The following RTN1 variants were observed in gnomAD, a reference collection of about 807,000 sequenced individuals.
RTN1 encodes reticulon-1.
A neutral mutation model predicts 65.5 loss-of-function variants in RTN1; 25 were observed. The ratio of observed to expected loss-of-function variants is 0.38; its 90% CI spans 0.28 to 0.53. The LOEUF is 0.53. RTN1 is among the 20% of genes least tolerant of loss of function. The probability of loss-of-function intolerance (pLI) is 0.79; values close to 1 mark genes in which losing one functional copy is unlikely to be tolerated. For synonymous variants in RTN1, 471 were observed against 447.6 expected (o/e 1.05, Z -0.66); for missense variants, 983 against 1,025.4 (o/e 0.96, Z 0.57).
At chr14:59,608,861 T>A (rs1312830547) in intron 3 of RTN1, among the ~76,000 whole-genome samples, 1 of 152,148 alleles carries the variant, frequency 6.6e-6, no homozygotes, top group Non-Finnish European at 1.5e-5. Context: ...CTTTTTTTTC[T>A]CTTTTGAGTA....
At chr14:59,865,834 CAACT>C (rs768531217) in intron 1 of RTN1, among the ~76,000 whole-genome samples, 10 of 152,162 alleles carry the variant, frequency 6.6e-5, no homozygotes, top group Admixed American at 6.5e-5. Flanking sequence ...AATAAAATCA[CAACT>C]AACTAATCCA....
rs141503924 is a variant in RTN1 at position 59,727,639 on chromosome 14, C to A, written c.1045G>T (p.Gly349Cys). The change falls in exon 3 of 9, where the codon GGC becomes TGC. Residue 349 changes from glycine (G) to cysteine (C), a missense_variant. Physicochemically the swap from Gly to Cys is radical, Grantham distance 159. Coordinates refer to ENST00000267484, the MANE Select transcript of RTN1 (RefSeq NM_021136.3). This position sits in a 1 kb window ranked among gnomAD's most constrained non-coding sequence, Gnocchi z 4.2. ...EPSAAESQGK[G>C]SISEDELITA... is the part of the protein sequence containing the mutation. ...ATCAGCTCATCCTCGGAGATGCTGC[C>A]TTTCCCCTGGGATTCTGCAGCAGAT... The A allele has an allele frequency of 2.9e-4, 465 of 1,608,454 alleles. No homozygotes were observed. The highest frequency in any genetic ancestry group is 3.7e-4 in the Non-Finnish European group (435 of 1,177,356).
intron 1 of RTN1, among the ~76,000 whole-genome samples, chr14:59,789,747 A>T (rs1387901057): frequency 6.6e-6 from 1 of 152,114 alleles, no homozygotes; most frequent in Non-Finnish European, 1.5e-5. Context: ...GACATCTAGG[A>T]TGTCCACTGC....
chr14:59,720,914 TGAAA>T (rs1884634146), intron 3 of RTN1, among the ~76,000 whole-genome samples: 1 of 151,870 alleles, frequency 6.6e-6, no homozygotes, highest in African/African-American at 2.4e-5. Flanking sequence ...ACCTGTATTG[TGAAA>T]GAAAGAGACT....
chr14:59,736,301 G>C (rs1885000692), intron 2 of RTN1, among the ~76,000 whole-genome samples: 1 of 151,834 alleles, frequency 6.6e-6, no homozygotes, highest in Non-Finnish European at 1.5e-5. Context: ...CAGAAGAAAA[G>C]AGAAGAATCA....
chr14:59,824,086 T>C (rs1886989839), intron 1 of RTN1, among the ~76,000 whole-genome samples: 1 of 152,240 alleles, frequency 6.6e-6, no homozygotes, highest in Non-Finnish European at 1.5e-5. Context: ...TGCAGTGTTA[T>C]TTAAGAATCA....
intron 3 of RTN1, among the ~76,000 whole-genome samples, chr14:59,686,117 C>T (rs1336426666): frequency 6.6e-6 from 1 of 152,126 alleles, no homozygotes; most frequent in African/African-American, 2.4e-5. Context: ...TGGATTTCCA[C>T]AGGCAGAAAA....
chr14:59,598,599 GT>G (rs960119395), intron 8 of RTN1, among the ~76,000 whole-genome samples: 3 of 152,136 alleles, frequency 2.0e-5, no homozygotes, highest in Non-Finnish European at 4.4e-5. Flanking sequence ...ATGTGCAATG[GT>G]GACCATCTAA....
intron 1 of RTN1, among the ~76,000 whole-genome samples, chr14:59,764,282 T>G (rs573153790): frequency 1.3e-5 from 2 of 151,482 alleles, no homozygotes; most frequent in South Asian, 4.2e-4. Context: ...ATGATAGCAT[T>G]CAGGTTTGGG....
At position 59,854,027 on chromosome 14, in the gene RTN1, GCTAA is replaced by G. The variant is rs1428798982; in HGVS notation, c.241+16359_241+16362del. 3.3e-5 allele frequency among the ~76,000 whole-genome samples: 5 copies of G among 151,806 alleles called. No homozygotes were observed. In the East Asian group the frequency reaches 9.7e-4, roughly 29 times the overall value. ...CTATAGGCATGAGCCACCACCTCCG[GCTAA>G]TTTTTGTATTTTTAGTAGAGACGAG... On this transcript the variant is annotated intron_variant, in intron 1 of 8. Transcript: ENST00000267484.
chr14:59,603,811 AG>A, intron 6 of RTN1, 40 bp downstream of exon 6: 1 of 1,523,402 alleles, frequency 6.6e-7, no homozygotes, highest in Non-Finnish European at 9.1e-7. Context: ...GTTTTCACAG[AG>A]GGGGTGAAGG....
At position 59,826,328 on chromosome 14, in the gene RTN1, T is replaced by G. The variant is rs1027372587; in HGVS notation, c.241+44062A>C. ...TTAAGTGATAGACTATATCTCATTATGTAGTTGTGGAGCTTAAATGACACT... is the reference window on the plus strand; with the variant it reads ...TTAAGTGATAGACTATATCTCATTAGGTAGTTGTGGAGCTTAAATGACACT... On this transcript the variant is annotated intron_variant, in intron 1 of 8. Coordinates refer to ENST00000267484, the MANE Select transcript of RTN1 (RefSeq NM_021136.3). Among the ~76,000 whole-genome samples the G allele has an allele frequency of 1.2e-4, 18 of 152,366 alleles. 1 individual carries two copies. Among genetic ancestry groups the G allele is most frequent in the Admixed American group, 8.5e-4 (13 of 15,302 alleles).
intron 3 of RTN1, among the ~76,000 whole-genome samples, chr14:59,636,768 AGTAATGTT>A (rs1337575402): frequency 6.6e-6 from 1 of 152,240 alleles, no homozygotes; most frequent in Non-Finnish European, 1.5e-5. Context: ...TGCACATAAA[AGTAATGTT>A]TACACTATAC....
chr14:59,604,121 T>G, intron 5 of RTN1, 200 bp from the exon 6 acceptor site: 1 of 385,964 alleles, frequency 2.6e-6, no homozygotes, highest in Non-Finnish European at 4.9e-6. Context: ...TTTGGATCAC[T>G]TTGTTATAAG....
At chr14:59,688,112 G>A (rs941129625) in intron 3 of RTN1, among the ~76,000 whole-genome samples, 2 of 152,056 alleles carry the variant, frequency 1.3e-5, no homozygotes, top group African/African-American at 2.4e-5. Context: ...GGTGCACAGG[G>A]GCCCTCTCTA....
At chr14:59,832,311 C>T (rs1887138849) in intron 1 of RTN1, among the ~76,000 whole-genome samples, 1 of 149,694 alleles carries the variant, frequency 6.7e-6, no homozygotes, top group African/African-American at 2.5e-5. Context: ...TTCCCTACAT[C>T]TTTTTTTTTT....
chr14:59,677,488 T>C (rs950464240), intron 3 of RTN1, among the ~76,000 whole-genome samples: 1 of 152,074 alleles, frequency 6.6e-6, no homozygotes, highest in African/African-American at 2.4e-5. Flanking sequence ...TGAGGAGAGA[T>C]TTATGATTTG....
chr14:59,745,549 A>G (rs1230686180), intron 2 of RTN1, among the ~76,000 whole-genome samples, 159 bp downstream of exon 2: 2 of 152,186 alleles, frequency 1.3e-5, no homozygotes, highest in African/African-American at 4.8e-5. Context: ...CAAATTGAAA[A>G]CTTTGAATAT....
intron 3 of RTN1, among the ~76,000 whole-genome samples, chr14:59,709,607 A>T (rs1046844389): frequency 3.9e-5 from 6 of 152,186 alleles, no homozygotes; most frequent in African/African-American, 1.4e-4. Flanking sequence ...AAACCTCCTT[A>T]TAAGGAGAAT....
Sources: gnomAD v4.1 joint callset for allele counts (sites outside exome capture counted in the v4.1 genomes callset) on GRCh38, gnomAD v4.1.1 for gene constraint, Gnocchi (gnomAD v3.1) non-coding constraint, MANE v1.5 for transcripts, NCBI Gene and HGNC (gene_info 2026-07-23, HGNC 2026-07-21) for gene names.